Variants in ZNF462 observed in about 807,000 individuals in gnomAD.
ZNF462 encodes the protein zinc finger protein 462.
Under a neutral mutation model 201.9 loss-of-function variants are expected in ZNF462, and 10 were observed. The ratio of observed to expected loss-of-function variants is 0.05; its 90% CI spans 0.03 to 0.08. The LOEUF (loss-of-function observed/expected upper bound fraction) is 0.08. ZNF462 is among the 10% of genes least tolerant of loss of function. The pLI, the probability that ZNF462 is intolerant of heterozygous loss-of-function variation, is 1.00. For missense variants in ZNF462, 2,523 were observed against 3,168.3 expected (o/e 0.80, Z 4.89); for synonymous variants, 1,227 against 1,193.3 (o/e 1.03, Z -0.58).
rs1456214557 is a variant in ZNF462 at position 106,950,932 on chromosome 9, A to G, written c.6427+11825A>G. Among the ~76,000 whole-genome samples, 2 of 152,118 alleles carry G rather than the reference A, an allele frequency of 1.3e-5. No individual in the cohort carries two copies. Among genetic ancestry groups the G allele is most frequent in the Non-Finnish European group, 2.9e-5 (2 of 68,034 alleles). On this transcript the variant is annotated intron_variant, in intron 7 of 12. Coordinates refer to ENST00000277225, the MANE Select transcript of ZNF462 (RefSeq NM_021224.6). This position sits in a 1 kb window ranked among gnomAD's most constrained non-coding sequence, Gnocchi z 4.1. ...TAGTGAAACCCCATCTCTACTAAAA[A>G]TACAAAAATTAGCCAGGCTTGGTGG...
In ZNF462 at chr9:106,955,517, T is replaced by C. The variant is rs78237706; in HGVS notation, c.6427+16410T>C. On this transcript the variant is annotated intron_variant, in intron 7 of 12. Transcript: ENST00000277225. The stretch of plus-strand genomic sequence containing the variant: ...GATCAGGGTGGTGGTTGCTGAGGAT[T>C]GGGAGTAGCTGTGTCAGTTTCTTAA... 2.5e-3 allele frequency among the ~76,000 whole-genome samples: 382 copies of C among 152,290 alleles called. 2 individuals are homozygous for C. The highest frequency in any genetic ancestry group is 9.0e-3 in the African/African-American group (376 of 41,572).
chr9:106,864,090 CTCTCT>C lies in ZNF462; in HGVS notation c.-31+736_-31+740del, dbSNP rs1564062656. On this transcript the variant is annotated intron_variant, in intron 1 of 12. Transcript: ENST00000277225. ...TCTCTCTCTCTCTCTCTCTCTCTCT[CTCTCT>C]CTCTCTCTCTCTCTCCCTCTCCCCG... 2.2e-4 allele frequency among the ~76,000 whole-genome samples: 29 copies of C among 132,044 alleles called. 1 individual carries two copies. The highest frequency in any genetic ancestry group is 8.0e-4 in the African/African-American group (28 of 35,098). The allele number at this position is 132,044 out of a possible 152,430, so 86.6% of individuals were successfully genotyped here.
chr9:106,912,852 G>A (rs1289084774), intron 1 of ZNF462, among the ~76,000 whole-genome samples: 3 of 152,056 alleles, frequency 2.0e-5, no homozygotes, highest in East Asian at 3.9e-4. Context: ...TTTTCAGGGA[G>A]GCTAAGAAGA....
rs566199509 is a variant in ZNF462, at chr9:106,907,516, G to A, written c.-30-15838G>A. ...CATATATTGCCATGAGTTTTACATGGTAATTTTAAAATTATAATACATTTT... is the reference window on the plus strand; with the variant it reads ...CATATATTGCCATGAGTTTTACATGATAATTTTAAAATTATAATACATTTT... On this transcript the variant is annotated intron_variant, in intron 1 of 12. Coordinates refer to ENST00000277225, the MANE Select transcript of ZNF462 (RefSeq NM_021224.6). Among the ~76,000 whole-genome samples, 104 of 151,954 alleles carry A rather than the reference G, an allele frequency of 6.8e-4. 1 individual carries two copies. In the South Asian group the frequency reaches 0.021, roughly 30 times the overall value.
chr9:106,864,062 C>CTCTCTCTCTG lies in ZNF462; in HGVS notation c.-31+716_-31+717insGTCTCTCTCT, dbSNP rs1564062361. ...TGGCTCTCTCTCTCTCTCTCTCTCTCTCTCTCTCTCTCTCTCTCTCTCTCT... is the reference window on the plus strand; with the variant it reads ...TGGCTCTCTCTCTCTCTCTCTCTCTCTCTCTCTCTGTCTCTCTCTCTCTCTCTCTCTCTCT... On this transcript the variant is annotated intron_variant, in intron 1 of 12. Transcript: ENST00000277225. Among the ~76,000 whole-genome samples the CTCTCTCTCTG allele has an allele frequency of 1.4e-3, 130 of 93,930 alleles. 5 individuals are homozygous for CTCTCTCTCTG. Among genetic ancestry groups the CTCTCTCTCTG allele is most frequent in the Non-Finnish European group, 2.1e-3 (90 of 43,020 alleles). The allele number at this position is 93,930 out of a possible 152,430, so 61.6% of individuals were successfully genotyped here. A position where few individuals can be genotyped will look rare whatever the true frequency, so the allele number is the denominator to read the frequency against.
intron 9 of ZNF462, among the ~76,000 whole-genome samples, chr9:106,982,813 A>C (rs1339098817): frequency 6.6e-6 from 1 of 152,042 alleles, no homozygotes; most frequent in Non-Finnish European, 1.5e-5. Context: ...GTTGAGACTA[A>C]GGCATGACAT....
At chr9:106,888,127 C>T (rs888694731) in intron 1 of ZNF462, among the ~76,000 whole-genome samples, 7 of 151,862 alleles carry the variant, frequency 4.6e-5, no homozygotes, top group East Asian at 3.9e-4. Context: ...CTGCAAGCTC[C>T]GCCTCCCGGG....
chr9:106,871,091 A>G (rs879653384), intron 1 of ZNF462, among the ~76,000 whole-genome samples: 43 of 152,152 alleles, frequency 2.8e-4, no homozygotes, highest in Non-Finnish European at 5.4e-4. Flanking sequence ...TATTCCTCCA[A>G]AAATAATTGT....
intron 1 of ZNF462, among the ~76,000 whole-genome samples, chr9:106,871,232 G>A (rs1017270425): frequency 6.6e-6 from 1 of 152,236 alleles, no homozygotes; most frequent in African/African-American, 2.4e-5. Flanking sequence ...GAAGGCACCT[G>A]TGAATTAGAG....
chr9:106,992,372 C>T (rs1302052614), intron 10 of ZNF462, among the ~76,000 whole-genome samples: 2 of 152,086 alleles, frequency 1.3e-5, no homozygotes, highest in Non-Finnish European at 2.9e-5. Flanking sequence ...TGTAGACAAA[C>T]TGGAATCTCA....
intron 1 of ZNF462, among the ~76,000 whole-genome samples, chr9:106,904,498 T>G (rs573105500): frequency 6.6e-6 from 1 of 152,346 alleles, no homozygotes; most frequent in East Asian, 1.9e-4. Context: ...TGGGGAAGTT[T>G]TCCTCAATTA....
rs968413924 is a variant in ZNF462 at position 106,970,469 on chromosome 9, T to A, written c.6428-1536T>A. Among the ~76,000 whole-genome samples, 9 of 152,198 alleles carry A rather than the reference T, an allele frequency of 5.9e-5. No individual in the cohort carries two copies. The highest frequency in any genetic ancestry group is 1.3e-4 in the Non-Finnish European group (9 of 68,032). On this transcript the variant is annotated intron_variant, in intron 7 of 12. Coordinates refer to ENST00000277225, the MANE Select transcript of ZNF462 (RefSeq NM_021224.6). The surrounding 1 kb of genome is among the most constrained non-coding windows in gnomAD (Gnocchi z 4.2). ...GCTGACGGGATGGATGGTGCTGGTT[T>A]CATCAAATATGGGTTTTAGAGAATT...
rs1476066205 is a variant in ZNF462 at position 106,938,273 on chromosome 9, A to C, written c.6236-643A>C. The stretch of plus-strand genomic sequence containing the variant: ...CCCCTAAACCCCCATGTTTACATAT[A>C]CAGCTCTCTTCCTTAGAGAAATGAC... On this transcript the variant is annotated intron_variant, in intron 6 of 12. Transcript: ENST00000277225. The surrounding 1 kb of genome is among the most constrained non-coding windows in gnomAD (Gnocchi z 4.4). Among the ~76,000 whole-genome samples, 3 of 152,214 alleles carry C rather than the reference A, an allele frequency of 2.0e-5. No individual in the cohort carries two copies. Among genetic ancestry groups the C allele is most frequent in the Non-Finnish European group, 4.4e-5 (3 of 68,042 alleles).
Position 107,010,755 on chromosome 9 carries a change from A to T in ZNF462, c.7314-68A>T, listed in dbSNP as rs1004725992. ...ATAAAGACACTCGAGGGTTTTTATT[A>T]TTTTTTTGTTTAAAAAGAGAAATAT... is the stretch of plus-strand genomic sequence containing the variant. On this transcript the variant is annotated intron_variant, in intron 12 of 12. Coordinates refer to ENST00000277225, the MANE Select transcript of ZNF462 (RefSeq NM_021224.6). This position sits in a 1 kb window ranked among gnomAD's most constrained non-coding sequence, Gnocchi z 4.6. 7.1e-7 allele frequency: 1 copy of T among 1,408,016 alleles called. No homozygotes were observed. Among genetic ancestry groups the T allele is most frequent in the South Asian group, 1.4e-5 (1 of 69,266 alleles). 87.2% of individuals were successfully genotyped at this position (1,408,016 alleles called of 1,614,324 possible).
chr9:106,931,430 G>C (rs1341679900), intron 4 of ZNF462, among the ~76,000 whole-genome samples: 1 of 152,140 alleles, frequency 6.6e-6, no homozygotes, highest in African/African-American at 2.4e-5. Context: ...CTTTCTCTAA[G>C]GGTACACGCG....
chr9:106,938,873 C>A lies in ZNF462; in HGVS notation c.6236-43C>A. 1 of 1,552,030 alleles carries A rather than the reference C, an allele frequency of 6.4e-7. No homozygotes were observed. On this transcript the variant is annotated intron_variant, in intron 6 of 12. Transcript: ENST00000277225. This position sits in a 1 kb window ranked among gnomAD's most constrained non-coding sequence, Gnocchi z 4.4. Reference sequence around the variant, plus strand: ...TCCACCCTGGCCTTATACCCTTCTCCCCTCTTTTTCCTGTTCTATTTCTTG... The same window carrying A: ...TCCACCCTGGCCTTATACCCTTCTCACCTCTTTTTCCTGTTCTATTTCTTG...
chr9:107,011,193 G>A lies in ZNF462; in HGVS notation c.*163G>A. On this transcript the variant is annotated 3_prime_UTR_variant, in exon 13 of 13. Coordinates refer to ENST00000277225, the MANE Select transcript of ZNF462 (RefSeq NM_021224.6). The surrounding 1 kb of genome is among the most constrained non-coding windows in gnomAD (Gnocchi z 5.6). ...AAAGCACTGGTACCTGTGTGAGTGA[G>A]TATGTAAATTAAAGTTATTTAAATG... The A allele has an allele frequency of 1.6e-6, 1 of 617,546 alleles. No individual in the cohort carries two copies. Among genetic ancestry groups the A allele is most frequent in the East Asian group, 2.8e-5 (1 of 36,012 alleles). The allele number at this position is 617,546 out of a possible 1,614,324, so 38.3% of individuals were successfully genotyped here.
chr9:106,970,769 G>A lies in ZNF462; in HGVS notation c.6428-1236G>A, dbSNP rs2132024004. ...ATTGCAAGCAGCATGTTGGGAAAAG[G>A]TTCAAGACCTTTTACTTTTCCTCTC... On this transcript the variant is annotated intron_variant, in intron 7 of 12. Transcript: ENST00000277225. This position sits in a 1 kb window ranked among gnomAD's most constrained non-coding sequence, Gnocchi z 4.2. 6.6e-6 allele frequency among the ~76,000 whole-genome samples: 1 copy of A among 152,110 alleles called. No individual in the cohort carries two copies. Among genetic ancestry groups the A allele is most frequent in the Middle Eastern group, 3.4e-3 (1 of 294 alleles).
rs1332370056 is a variant in ZNF462 at position 106,954,158 on chromosome 9, A to G, written c.6427+15051A>G. 6.6e-6 allele frequency among the ~76,000 whole-genome samples: 1 copy of G among 152,200 alleles called. No homozygotes were observed. The highest frequency in any genetic ancestry group is 1.9e-4 in the East Asian group (1 of 5,196). ...TTAGTCCGTTTTCACATTGCTATAA[A>G]GAACTACCTGAGACTGCGTAATTTA... is the stretch of plus-strand genomic sequence containing the variant. On this transcript the variant is annotated intron_variant, in intron 7 of 12. Coordinates refer to ENST00000277225, the MANE Select transcript of ZNF462 (RefSeq NM_021224.6). This position sits in a 1 kb window ranked among gnomAD's most constrained non-coding sequence, Gnocchi z 4.0.
Sources: gnomAD v4.1 joint callset for allele counts (sites outside exome capture counted in the v4.1 genomes callset) on GRCh38, gnomAD v4.1.1 for gene constraint, Gnocchi (gnomAD v3.1) non-coding constraint, MANE v1.5 for transcripts, NCBI Gene and HGNC (gene_info 2026-07-23, HGNC 2026-07-21) for gene names.